The following TASOR2 variants were observed in gnomAD, a reference collection of about 807,000 sequenced individuals.
TASOR2 encodes protein TASOR 2.
In TASOR2, 84 loss-of-function variants were observed where a neutral mutation model predicts 199.5. That is an observed-to-expected ratio of 0.42 (90% confidence interval 0.35 to 0.50). TASOR2 has a LOEUF of 0.50. Ranked by LOEUF, TASOR2 falls within the 20% of genes least tolerant of loss-of-function variation. The pLI, the probability that TASOR2 is intolerant of heterozygous loss-of-function variation, is 0.02. For missense variants in TASOR2, 2,796 were observed against 2,835.9 expected, an observed-to-expected ratio of 0.99 and a Z score of 0.32; for synonymous variants, 1,103 against 1,046.6, an observed-to-expected ratio of 1.05 and a Z score of -1.04.
chr10:5,725,249 G>T (rs1833898544), intron 8 of TASOR2, among the ~76,000 whole-genome samples: 1 of 151,942 alleles, frequency 6.6e-6, no homozygotes, highest in Admixed American at 6.6e-5. Context: ...AAATTATCTG[G>T]GTGTGGTGAT....
intron 8 of TASOR2, among the ~76,000 whole-genome samples, chr10:5,725,486 G>A (rs543499385): frequency 8.2e-4 from 124 of 151,032 alleles, no homozygotes; most frequent in Admixed American, 1.3e-3. Flanking sequence ...AGTCCCTAAA[G>A]TCTGGCATGG....
At chr10:5,718,409 CAAG>C (rs1225020232) in intron 3 of TASOR2, among the ~76,000 whole-genome samples, 15 of 114,946 alleles carry the variant, frequency 1.3e-4, no homozygotes, top group African/African-American at 3.9e-4. Context: ...AAAAAAAAAA[CAAG>C]AGCCTGTGAA....
chr10:5,697,329 C>T (rs1039152730), intron 1 of TASOR2, among the ~76,000 whole-genome samples: 1 of 152,158 alleles, frequency 6.6e-6, no homozygotes, highest in South Asian at 2.1e-4. Context: ...TGTTAGGTAT[C>T]CCCAGTGGGA....
At chr10:5,739,718 G>A (rs754879023) in exon 13 of TASOR2, 54 of 1,613,872 alleles carry the variant, frequency 3.3e-5, no homozygotes, top group Non-Finnish European at 4.4e-5. Flanking sequence ...ATACCACAGC[G>A]GCTCACAATG....
At chr10:5,711,998 T>A (rs1395287668) in intron 1 of TASOR2, among the ~76,000 whole-genome samples, 9 of 147,908 alleles carry the variant, frequency 6.1e-5, no homozygotes, top group Non-Finnish European at 7.5e-5. Flanking sequence ...CGTATATATT[T>A]AAAAAAAAAA....
chr10:5,727,869 C>T (rs997426939), intron 10 of TASOR2, among the ~76,000 whole-genome samples: 1 of 151,740 alleles, frequency 6.6e-6, no homozygotes, highest in South Asian at 2.1e-4. Flanking sequence ...CTACTGTATC[C>T]CTAGTGCCTA....
chr10:5,719,904 A>G lies in TASOR2; in HGVS notation c.-99-640A>G, dbSNP rs985750643. Among the ~76,000 whole-genome samples, 3 of 152,174 alleles carry G rather than the reference A, an allele frequency of 2.0e-5. No individual in the cohort carries two copies. The highest frequency in any genetic ancestry group is 6.5e-5 in the Admixed American group (1 of 15,280). On this transcript the variant is annotated intron_variant, in intron 3 of 20. Transcript: ENST00000328090. The surrounding 1 kb of genome is among the most constrained non-coding windows in gnomAD (Gnocchi z 4.1). The stretch of plus-strand genomic sequence containing the variant: ...CTCTTTTACATTACAGTCACCAAAG[A>G]GCCATTCAGTGACCGTAACATAAAA...
exon 15 of TASOR2, chr10:5,749,533 C>T (rs1837721241): frequency 6.2e-7 from 1 of 1,613,928 alleles, no homozygotes; most frequent in African/African-American, 1.3e-5. Flanking sequence ...GAGCAGAAGC[C>T]CCCTTCTGGT....
In TASOR2 at chr10:5,750,096, G is replaced by T; in HGVS notation, c.6606+69G>T. The T allele has an allele frequency of 6.8e-7, 1 of 1,461,068 alleles. No homozygotes were observed. Among genetic ancestry groups the T allele is most frequent in the Non-Finnish European group, 9.1e-7 (1 of 1,100,498 alleles). 90.5% of individuals were successfully genotyped at this position (1,461,068 alleles called of 1,614,324 possible). A position where few individuals can be genotyped will look rare whatever the true frequency, so the allele number is the denominator to read the frequency against. ...TTTAGTTTTAGAAATAATAAATTTA[G>T]CATATTAGCCATCAAAAAGAAATCA... is the stretch of plus-strand genomic sequence containing the variant. On this transcript the variant is annotated intron_variant, in intron 15 of 20. Coordinates refer to ENST00000328090, the Ensembl canonical transcript of TASOR2. The surrounding 1 kb of genome is among the most constrained non-coding windows in gnomAD (Gnocchi z 5.4).
At chr10:5,712,780 G>T in intron 1 of TASOR2, 43 bp from the exon 2 acceptor site, 1 of 1,027,096 alleles carries the variant, frequency 9.7e-7, no homozygotes, top group Non-Finnish European at 1.2e-6. Flanking sequence ...AGACAAAATA[G>T]TATGTTTATA....
chr10:5,713,544 A>G (rs2131552372), intron 2 of TASOR2, among the ~76,000 whole-genome samples: 1 of 152,320 alleles, frequency 6.6e-6, no homozygotes, highest in Non-Finnish European at 1.5e-5. Flanking sequence ...AGGGGGGCAG[A>G]TTTGTTTAGC....
chr10:5,713,998 T>G, intron 2 of TASOR2, 137 bp from the exon 3 acceptor site: 5 of 410,176 alleles, frequency 1.2e-5, no homozygotes, highest in East Asian at 3.8e-5. Flanking sequence ...CCCAGGAATT[T>G]GAGATCAGCC....
intron 10 of TASOR2, among the ~76,000 whole-genome samples, chr10:5,728,991 A>T (rs529685041): frequency 1.3e-5 from 2 of 152,300 alleles, no homozygotes; most frequent in East Asian, 3.9e-4. Flanking sequence ...GCGCAAGTTT[A>T]AAATTCTCAC....
chr10:5,696,366 TC>T (rs980682260), intron 1 of TASOR2, among the ~76,000 whole-genome samples: 1 of 152,162 alleles, frequency 6.6e-6, no homozygotes, highest in Non-Finnish European at 1.5e-5. Flanking sequence ...AACTTTTATT[TC>T]ATTTTTTGAG....
In TASOR2 at chr10:5,739,600, T is replaced by C; in HGVS notation, c.1448-18T>C. Reference sequence around the variant, plus strand: ...TGACAAGCAAACATCTCTCTTTTTTTTTTCTTTTATACTGAAGTCAAAGGA... The same window carrying C: ...TGACAAGCAAACATCTCTCTTTTTTCTTTCTTTTATACTGAAGTCAAAGGA... On this transcript the variant is annotated intron_variant, in intron 12 of 20. Coordinates refer to ENST00000328090, the Ensembl canonical transcript of TASOR2. The C allele has an allele frequency of 6.3e-7, 1 of 1,585,476 alleles. No individual in the cohort carries two copies. Among genetic ancestry groups the C allele is most frequent in the Non-Finnish European group, 8.6e-7 (1 of 1,167,624 alleles).
intron 14 of TASOR2, 141 bp from the exon 16 acceptor site, chr10:5,746,038 T>C: frequency 1.0e-6 from 1 of 963,524 alleles, no homozygotes; most frequent in Non-Finnish European, 1.4e-6. Context: ...CCCTGTGATA[T>C]TCTTTTAGCT....
exon 21 of TASOR2, chr10:5,763,359 A>G (rs1317369448): frequency 4.0e-6 from 1 of 250,314 alleles, no homozygotes; most frequent in African/African-American, 2.2e-5. Context: ...ATTTTAACAA[A>G]TAGCTTTGTT....
At chr10:5,746,348 C>T in exon 15 of TASOR2, 8 of 1,614,146 alleles carry the variant, frequency 5.0e-6, no homozygotes, top group Non-Finnish European at 6.8e-6. Context: ...ACTCAAGCCA[C>T]ATTCACCAGG....
At position 5,689,381 on chromosome 10, in the gene TASOR2, C is replaced by T. The variant is rs1836168064; in HGVS notation, c.-288+4206C>T. 6.6e-6 allele frequency among the ~76,000 whole-genome samples: 1 copy of T among 152,168 alleles called. No individual in the cohort carries two copies. Among genetic ancestry groups the T allele is most frequent in the African/African-American group, 2.4e-5 (1 of 41,426 alleles). ...CTTTGGGTGGCCGAGGTGGGCGGAT[C>T]AAGAGGTCAGGAGTTCAAGACCAGC... On this transcript the variant is annotated intron_variant, in intron 1 of 20. Transcript: ENST00000328090. The surrounding 1 kb of genome is among the most constrained non-coding windows in gnomAD (Gnocchi z 4.1).
Sources: gnomAD v4.1 joint callset for allele counts (sites outside exome capture counted in the v4.1 genomes callset) on GRCh38, gnomAD v4.1.1 for gene constraint, Gnocchi (gnomAD v3.1) non-coding constraint, MANE v1.5 for transcripts, NCBI Gene and HGNC (gene_info 2026-07-23, HGNC 2026-07-21) for gene names.